The following NCAPD3 variants were observed in gnomAD, a reference collection of about 807,000 sequenced individuals.
NCAPD3 encodes non-SMC condensin II complex subunit D3.
In NCAPD3, 105 loss-of-function variants were observed where a neutral mutation model predicts 182.9. The ratio of observed to expected loss-of-function variants is 0.57; its 90% CI spans 0.49 to 0.68. NCAPD3 has a LOEUF of 0.68. NCAPD3 is among the 30% of genes least tolerant of loss of function. NCAPD3 has a pLI of 0.00. For synonymous variants in NCAPD3, 815 were observed against 679.9 expected (o/e 1.20, Z -3.09); for missense variants, 1,944 against 1,837.0 (o/e 1.06, Z -1.07).
chr11:134,169,652 AACATATCTGTGCAATGCTGCACATGGGAC>A (rs1565529160), intron 24 of NCAPD3, among the ~76,000 whole-genome samples: 1 of 152,224 alleles, frequency 6.6e-6, no homozygotes, highest in Non-Finnish European at 1.5e-5. Context: ...CCATGCCCTC[AACATATCTGTGCAATGCTGCACATGGGAC>A]ACAGATGCCA....
At chr11:134,158,098 C>A in intron 30 of NCAPD3, 31 bp from the exon 31 acceptor site, 2 of 1,608,002 alleles carry the variant, frequency 1.2e-6, no homozygotes, top group Non-Finnish European at 8.5e-7. Context: ...CGCTGACTTT[C>A]TCACTGCAGA....
chr11:134,171,713 CCA>C (rs1392292083), intron 24 of NCAPD3, among the ~76,000 whole-genome samples: 1 of 152,208 alleles, frequency 6.6e-6, no homozygotes, highest in Non-Finnish European at 1.5e-5. Flanking sequence ...CTTCCTTCCT[CCA>C]TGTACTCTGC....
chr11:134,223,718 G>T, intron 1 of NCAPD3, 145 bp downstream of exon 1: 1 of 929,894 alleles, frequency 1.1e-6, no homozygotes, highest in Non-Finnish European at 1.6e-6. Flanking sequence ...TCCTGGCGTG[G>T]CACGGCCCTG....
At chr11:134,194,258 T>C (rs1381398043) in intron 14 of NCAPD3, 108 bp from the exon 15 acceptor site, 5 of 1,214,236 alleles carry the variant, frequency 4.1e-6, no homozygotes, top group Non-Finnish European at 5.7e-6. Context: ...CTTAACATTT[T>C]GGGGTCATGG....
chr11:134,190,896 T>C (rs530100600), intron 16 of NCAPD3, among the ~76,000 whole-genome samples: 18 of 152,360 alleles, frequency 1.2e-4, no homozygotes, highest in Non-Finnish European at 1.9e-4. Flanking sequence ...AGATTCTAAC[T>C]TGATGTGAAC....
chr11:134,223,621 G>A lies in NCAPD3; in HGVS notation c.64+242C>T. 3 of 653,876 alleles carry A rather than the reference G, an allele frequency of 4.6e-6. No homozygotes were observed. The Admixed American group carries it at 6.5e-5, about 14-fold the overall frequency. 40.5% of individuals were successfully genotyped at this position (653,876 alleles called of 1,614,324 possible). On this transcript the variant is annotated intron_variant, in intron 1 of 34. Coordinates refer to ENST00000534548, the MANE Select transcript of NCAPD3 (RefSeq NM_015261.3). The stretch of plus-strand genomic sequence containing the variant: ...GGAAGGCCGAGAAAACAGATGCACA[G>A]GCGCTAGAAGAGACTGGCCAACATT...
At chr11:134,174,382 CAAAAAAAAA>C (rs34533048) in intron 24 of NCAPD3, among the ~76,000 whole-genome samples, 3 of 53,634 alleles carry the variant, frequency 5.6e-5, no homozygotes, top group African/African-American at 8.3e-5. Context: ...GACCCTGTCT[CAAAAAAAAA>C]AAAAAAAAAA....
chr11:134,159,759 G>A (rs1943525479), intron 29 of NCAPD3, 133 bp downstream of exon 29: 1 of 919,856 alleles, frequency 1.1e-6, no homozygotes, highest in East Asian at 2.7e-5. Flanking sequence ...TGGCCAACAA[G>A]CAGCACTCTC....
intron 19 of NCAPD3, among the ~76,000 whole-genome samples, chr11:134,184,286 G>A (rs1944353300): frequency 6.6e-6 from 1 of 152,260 alleles, no homozygotes; most frequent in South Asian, 2.1e-4. Context: ...TGCTTAAGTG[G>A]AAAATTGTCT....
intron 16 of NCAPD3, among the ~76,000 whole-genome samples, 157 bp downstream of exon 16, chr11:134,192,532 T>C (rs1259867797): frequency 1.3e-5 from 2 of 152,114 alleles, no homozygotes; most frequent in Admixed American, 6.5e-5. Context: ...ATCTAAGAGA[T>C]TGGAAGTCAG....
chr11:134,165,834 C>T (rs529457523), intron 27 of NCAPD3, among the ~76,000 whole-genome samples: 2 of 96,106 alleles, frequency 2.1e-5, no homozygotes, highest in South Asian at 3.9e-4. Context: ...TTGGGGGAGG[C>T]GCACACTCGT....
intron 16 of NCAPD3, 74 bp downstream of exon 16, chr11:134,192,615 A>G: frequency 7.6e-7 from 1 of 1,323,352 alleles, no homozygotes; most frequent in Non-Finnish European, 1.1e-6. Context: ...TTCGAGGACC[A>G]ATAGGAGAAA....
In NCAPD3 at chr11:134,177,221, G is replaced by A; in HGVS notation, c.3019C>T (p.Gln1007Ter). Residue 1007 changes from glutamine (Q) to a stop codon, truncating the protein, a stop_gained and splice_region_variant, in exon 23 of 35, where the codon CAG becomes TAG. Transcript: ENST00000534548. LOFTEE classifies it high-confidence loss of function. ...QTLILLTNLL[Q>*]EEFVKWKGSL... ...ACAGATTGAACCCCCCTACGCACCT[G>A]CAAGAGATTGGTAAGCAAGATGAGT... 3 of 1,611,572 alleles carry A rather than the reference G, an allele frequency of 1.9e-6. No individual in the cohort carries two copies. Among genetic ancestry groups the A allele is most frequent in the Non-Finnish European group, 2.5e-6 (3 of 1,177,620 alleles).
intron 13 of NCAPD3, among the ~76,000 whole-genome samples, chr11:134,195,461 C>T (rs1476036899): frequency 6.6e-6 from 1 of 152,038 alleles, no homozygotes; most frequent in Non-Finnish European, 1.5e-5. Context: ...TCTTTTAATA[C>T]TTAGAATCAG....
chr11:134,180,987 AT>A (rs1944283237), intron 20 of NCAPD3, 89 bp downstream of exon 20: 1 of 920,294 alleles, frequency 1.1e-6, no homozygotes, highest in Admixed American at 2.1e-5. Context: ...TGTTAAAAGC[AT>A]TTAAAGCGTA....
chr11:134,222,369 T>G (rs1368453737), intron 1 of NCAPD3, among the ~76,000 whole-genome samples: 1 of 152,186 alleles, frequency 6.6e-6, no homozygotes, highest in Non-Finnish European at 1.5e-5. Context: ...AGGGTTCTTG[T>G]CCACAAAGAT....
chr11:134,182,155 G>A (rs1363614752), intron 19 of NCAPD3, among the ~76,000 whole-genome samples: 3 of 152,168 alleles, frequency 2.0e-5, no homozygotes, highest in South Asian at 2.1e-4. Flanking sequence ...TGGGTACTAG[G>A]ACTAGTAAGT....
chr11:134,157,198 C>T (rs891028550), intron 31 of NCAPD3, 103 bp from the exon 32 acceptor site: 3 of 853,364 alleles, frequency 3.5e-6, no homozygotes, highest in African/African-American at 3.4e-5. Context: ...AAGTCAAAAT[C>T]ACTAGTGTTT....
chr11:134,194,784 C>A, intron 13 of NCAPD3, 46 bp from the exon 14 acceptor site: 1 of 1,345,272 alleles, frequency 7.4e-7, no homozygotes, highest in East Asian at 2.4e-5. Flanking sequence ...AGAAAAGTCA[C>A]ACAGCAGCTA....
Sources: allele counts gnomAD v4.1 joint callset (sites outside exome capture counted in the v4.1 genomes callset), GRCh38; gene constraint gnomAD v4.1.1; transcripts MANE v1.5; gene names NCBI Gene and HGNC (gene_info 2026-07-23, HGNC 2026-07-21).